The following ASXL3 variants were observed in gnomAD, a reference collection of about 807,000 sequenced individuals.
ASXL3 encodes the protein putative Polycomb group protein ASXL3.
Under a neutral mutation model 170.6 loss-of-function variants are expected in ASXL3, and 34 were observed. That is an observed-to-expected ratio of 0.20 (90% confidence interval 0.15 to 0.27). The LOEUF (loss-of-function observed/expected upper bound fraction) is 0.27, where lower values mean the gene tolerates loss of function less well. Ranked by LOEUF, ASXL3 falls within the 10% of genes least tolerant of loss-of-function variation. ASXL3 has a pLI of 1.00. For synonymous variants in ASXL3, 1,002 were observed against 989.1 expected, an observed-to-expected ratio of 1.01 and a Z score of -0.24; for missense variants, 2,592 against 2,695.3, an observed-to-expected ratio of 0.96 and a Z score of 0.85.
At chr18:33,613,082 T>C (rs1313557981) in intron 2 of ASXL3, among the ~76,000 whole-genome samples, 1 of 152,120 alleles carries the variant, frequency 6.6e-6, no homozygotes, top group Non-Finnish European at 1.5e-5. Flanking sequence ...TGTGTGTACA[T>C]GTGTATAAGC....
At chr18:33,689,403 A>T (rs747472006) in intron 8 of ASXL3, among the ~76,000 whole-genome samples, 2 of 152,228 alleles carry the variant, frequency 1.3e-5, no homozygotes, top group South Asian at 2.1e-4. Flanking sequence ...CTTAGATTCT[A>T]TCCAAATTTA....
At chr18:33,719,855 C>T (rs537316867) in intron 8 of ASXL3, among the ~76,000 whole-genome samples, 18 of 152,068 alleles carry the variant, frequency 1.2e-4, no homozygotes, top group African/African-American at 2.7e-4. Flanking sequence ...TTCTGGCCTC[C>T]GGAGGAGTGA....
rs769668170 is a variant in ASXL3 at position 33,661,679 on chromosome 18, C to A, written c.419C>A (p.Ala140Glu). Residue 140 changes from alanine (A) to glutamate (E), a missense_variant, in exon 5 of 12, where the codon GCA becomes GAA. Physicochemically the swap from Ala to Glu is moderately radical, Grantham distance 107 (BLOSUM62 -1). Transcript: ENST00000269197. Reference sequence around the variant, plus strand: ...CGAGATTCAAGCCTTACTAACACAGCAGTGCAAAGCAAGTTAGTGTCTTCC... The same window carrying A: ...CGAGATTCAAGCCTTACTAACACAGAAGTGCAAAGCAAGTTAGTGTCTTCC... Reference protein sequence around the residue: ...STRDSSLTNTAVQSKLVSSFQ... With the variant: ...STRDSSLTNTEVQSKLVSSFQ... The A allele has an allele frequency of 6.2e-7, 1 of 1,612,470 alleles. No individual in the cohort carries two copies. The highest frequency in any genetic ancestry group is 1.7e-5 in the Admixed American group (1 of 59,782).
rs539648384 is a variant in ASXL3 at position 33,603,580 on chromosome 18, A to G, written c.55-4014A>G. On this transcript the variant is annotated intron_variant, in intron 1 of 11. Coordinates refer to ENST00000269197, the MANE Select transcript of ASXL3 (RefSeq NM_030632.3). Reference sequence around the variant, plus strand: ...GGTGGAATGTAATGGTATGTTTGCTAGCTCTGTACATCTGTTTACCTCCTG... The same window carrying G: ...GGTGGAATGTAATGGTATGTTTGCTGGCTCTGTACATCTGTTTACCTCCTG... Among the ~76,000 whole-genome samples, 4 of 152,112 alleles carry G rather than the reference A, an allele frequency of 2.6e-5. No individual in the cohort carries two copies. The South Asian group carries it at 8.3e-4, about 32-fold the overall frequency.
chr18:33,645,388 T>C (rs987038481), intron 3 of ASXL3, among the ~76,000 whole-genome samples: 2 of 151,872 alleles, frequency 1.3e-5, no homozygotes, highest in African/African-American at 4.8e-5. Flanking sequence ...TTGTCTTTTA[T>C]AAAAATAAGA....
In ASXL3 at chr18:33,740,223, C is replaced by G. The variant is rs1220242031; in HGVS notation, c.2819C>G (p.Ser940Cys). ...AGTCGGTTAGAAACCTCACATACTTCCAAGTCATCAGAGCCCTCCAAGTCA... is the reference window on the plus strand; with the variant it reads ...AGTCGGTTAGAAACCTCACATACTTGCAAGTCATCAGAGCCCTCCAAGTCA... ...TQSRLETSHT[S>C]KSSEPSKSPD... The change falls in exon 11 of 12, where the codon TCC (serine) becomes TGC (cysteine). Residue 940 changes from serine to cysteine, a missense_variant. Ser to Cys is a moderately radical substitution (Grantham distance 112). Around this residue, in one of 4 missense-constraint regions of ASXL3, gnomAD observed 2,246 missense variants for 2,219.6 expected, o/e 1.01. Coordinates refer to ENST00000269197, the MANE Select transcript of ASXL3 (RefSeq NM_030632.3). 2 of 1,613,748 alleles carry G rather than the reference C, an allele frequency of 1.2e-6. No individual in the cohort carries two copies. The highest frequency in any genetic ancestry group is 1.7e-5 in the Admixed American group (1 of 59,980).
rs533653938 is a variant in ASXL3, at chr18:33,694,379, C to T, written c.879+10811C>T. Among the ~76,000 whole-genome samples the T allele has an allele frequency of 2.0e-5, 3 of 152,192 alleles. No individual in the cohort carries two copies. In the South Asian group the frequency reaches 6.2e-4, roughly 31 times the overall value. ...GTGACCTTTTAAAAATATATGGCAG[C>T]TGGTGGAATAAATGTCAACTAAAGT... is the stretch of plus-strand genomic sequence containing the variant. On this transcript the variant is annotated intron_variant, in intron 8 of 11. Coordinates refer to ENST00000269197, the MANE Select transcript of ASXL3 (RefSeq NM_030632.3).
rs148740198 is a variant in ASXL3 at position 33,691,819 on chromosome 18, A to G, written c.879+8251A>G. 9.2e-4 allele frequency among the ~76,000 whole-genome samples: 140 copies of G among 152,346 alleles called. 2 individuals carry two copies. In the East Asian group the frequency reaches 0.026, roughly 29 times the overall value. On this transcript the variant is annotated intron_variant, in intron 8 of 11. Coordinates refer to ENST00000269197, the MANE Select transcript of ASXL3 (RefSeq NM_030632.3). ...GAAAGATACAGGAAGGTTATCAGGT[A>G]AAGAAATGTGGAGGGCATTCCAATA...
chr18:33,625,625 C>T (rs1225620279), intron 2 of ASXL3: 1 of 152,092 alleles, frequency 6.6e-6, no homozygotes, highest in Non-Finnish European at 1.5e-5. Flanking sequence ...TTTGCTATCT[C>T]AGGTCCAAAT....
rs61978635 is a variant in ASXL3 at position 33,739,597 on chromosome 18, G to A, written c.2193G>A (p.Val731=). Reference sequence around the variant, plus strand: ...CTTTAACATCAGAAACTTCTTCAGTGTCTTCCATGCTTCTCACCTCTGAGA... The same window carrying A: ...CTTTAACATCAGAAACTTCTTCAGTATCTTCCATGCTTCTCACCTCTGAGA... ...DLPLTSETSS[V]SSMLLTSETT... Residue 731 remains valine, a synonymous_variant, in exon 11 of 12, where the codon GTG becomes GTA. Coordinates refer to ENST00000269197, the MANE Select transcript of ASXL3 (RefSeq NM_030632.3). 1,392 of 1,613,948 alleles carry A rather than the reference G, an allele frequency of 8.6e-4. 4 individuals are homozygous for A. The highest frequency in any genetic ancestry group is 2.0e-3 in the Middle Eastern group (12 of 6,062).
chr18:33,746,076 T>C lies in ASXL3; in HGVS notation c.6228T>C (p.Cys2076=), dbSNP rs760737437. The part of the protein sequence containing the change: ...RLSWPQSTGI[C]SNIKSEPLSF... ...GTTGGCCACAGTCCACGGGCATATGTAGCAATATAAAATCGGAACCTCTTT... is the reference window on the plus strand; with the variant it reads ...GTTGGCCACAGTCCACGGGCATATGCAGCAATATAAAATCGGAACCTCTTT... Residue 2076 remains cysteine, a synonymous_variant, in exon 12 of 12, where the codon TGT becomes TGC. Coordinates refer to ENST00000269197, the MANE Select transcript of ASXL3 (RefSeq NM_030632.3). 1.2e-6 allele frequency: 2 copies of C among 1,613,392 alleles called. No individual in the cohort carries two copies. The highest frequency in any genetic ancestry group is 2.2e-5 in the East Asian group (1 of 44,848).
At chr18:33,729,298 T>C (rs1284187156) in intron 8 of ASXL3, among the ~76,000 whole-genome samples, 1 of 152,176 alleles carries the variant, frequency 6.6e-6, no homozygotes, top group Non-Finnish European at 1.5e-5. Flanking sequence ...GAAGCATTTT[T>C]CTACAGTCTG....
intron 4 of ASXL3, among the ~76,000 whole-genome samples, chr18:33,653,973 ATTTCT>A (rs2066042369): frequency 1.3e-5 from 2 of 151,578 alleles, no homozygotes; most frequent in Non-Finnish European, 2.9e-5. Context: ...GACACTTTTC[ATTTCT>A]TTTATCTTTT....
chr18:33,583,168 A>G (rs968265951), intron 1 of ASXL3, among the ~76,000 whole-genome samples: 16 of 152,284 alleles, frequency 1.1e-4, no homozygotes, highest in Admixed American at 8.5e-4. Context: ...AGTGATAAGC[A>G]TGGTGATAGG....
chr18:33,727,647 A>C (rs2067373583), intron 8 of ASXL3, among the ~76,000 whole-genome samples: 1 of 152,184 alleles, frequency 6.6e-6, no homozygotes. Flanking sequence ...ATTATAAGAC[A>C]GGTGATTTTG....
At chr18:33,614,972 G>A (rs1015277239) in intron 2 of ASXL3, 3 of 151,964 alleles carry the variant, frequency 2.0e-5, no homozygotes, top group Non-Finnish European at 4.4e-5. Context: ...AAGTGCTCTG[G>A]GATTTCCGAA....
rs1055703457 is a variant in ASXL3, at chr18:33,748,310, T to A, written c.*1715T>A. The A allele has an allele frequency of 6.6e-6, 1 of 152,182 alleles. No homozygotes were observed. Among genetic ancestry groups the A allele is most frequent in the African/African-American group, 2.4e-5 (1 of 41,448 alleles). 9.4% of individuals were successfully genotyped at this position (152,182 alleles called of 1,614,324 possible). ...TTTTATAATAACCAACTATATAATA[T>A]GTTTTTTTCTCCGTATTTATTGTGA... is the stretch of plus-strand genomic sequence containing the variant. On this transcript the variant is annotated 3_prime_UTR_variant, in exon 12 of 12. Coordinates refer to ENST00000269197, the MANE Select transcript of ASXL3 (RefSeq NM_030632.3).
chr18:33,616,243 G>A (rs1487378946), intron 2 of ASXL3, among the ~76,000 whole-genome samples: 1 of 152,036 alleles, frequency 6.6e-6, no homozygotes, highest in African/African-American at 2.4e-5. Flanking sequence ...AATCGACTTG[G>A]GCTTGGGTAA....
At chr18:33,675,385 TC>T (rs1237720655) in intron 7 of ASXL3, among the ~76,000 whole-genome samples, 4 of 152,076 alleles carry the variant, frequency 2.6e-5, no homozygotes, top group Non-Finnish European at 5.9e-5. Flanking sequence ...GACATCTAAT[TC>T]ATATGGTCTT....
Sources: allele counts gnomAD v4.1 joint callset (sites outside exome capture counted in the v4.1 genomes callset), GRCh38; gene constraint gnomAD v4.1.1; regional missense constraint gnomAD v4.1.1; transcripts MANE v1.5; gene names NCBI Gene and HGNC (gene_info 2026-07-23, HGNC 2026-07-21).